The following JAK2 variants were observed in gnomAD, a reference collection of about 807,000 sequenced individuals.
JAK2 encodes tyrosine-protein kinase JAK2.
In JAK2, 86 loss-of-function variants were observed where a neutral mutation model predicts 139.3. That is an observed-to-expected ratio of 0.62 (90% CI 0.52 to 0.74). JAK2 has a LOEUF of 0.74. Among genes scored for constraint, JAK2 ranks in the 30% least tolerant of loss-of-function variants. JAK2 has a pLI of 0.00. For missense variants in JAK2, 1,421 were observed against 1,360.3 expected (o/e 1.04, Z -0.70); for synonymous variants, 490 against 437.7 (o/e 1.12, Z -1.49).
intron 8 of JAK2, among the ~76,000 whole-genome samples, chr9:5,064,621 T>C (rs1358363841): frequency 2.0e-5 from 3 of 152,166 alleles, no homozygotes; most frequent in Non-Finnish European, 4.4e-5. Flanking sequence ...AACTGGTATA[T>C]TAGTCTAAGA....
chr9:5,043,795 C>G (rs1404982714), intron 4 of JAK2, among the ~76,000 whole-genome samples: 4 of 152,172 alleles, frequency 2.6e-5, no homozygotes, highest in Non-Finnish European at 4.4e-5. Flanking sequence ...GATACATGCT[C>G]TAATGTGGAT....
chr9:5,009,541 G>A (rs10815143), intron 2 of JAK2, among the ~76,000 whole-genome samples: 58,428 of 151,544 alleles, frequency 0.39, 13,438 homozygotes, highest in African/African-American at 0.65. Flanking sequence ...TGAGAATACC[G>A]AGAAAGATTT....
chr9:5,061,401 C>T (rs1350145701), intron 8 of JAK2, among the ~76,000 whole-genome samples: 1 of 152,240 alleles, frequency 6.6e-6, no homozygotes, highest in Non-Finnish European at 1.5e-5. Flanking sequence ...CATCAATGGT[C>T]CTTACTAGAT....
intron 22 of JAK2, among the ~76,000 whole-genome samples, chr9:5,115,994 C>T (rs562136878): frequency 1.3e-5 from 2 of 151,958 alleles, no homozygotes; most frequent in African/African-American, 2.4e-5. Context: ...CACCATGACA[C>T]GTGTATACCT....
chr9:5,114,732 A>G (rs1424000977), intron 22 of JAK2: 2 of 372,408 alleles, frequency 5.4e-6, no homozygotes, highest in Admixed American at 3.3e-5. Context: ...AAACGAGTTC[A>G]TCTGCTCTGT....
intron 22 of JAK2, chr9:5,114,376 T>A (rs1010462732): frequency 9.5e-6 from 5 of 526,884 alleles, no homozygotes; most frequent in Admixed American, 6.7e-5. Context: ...ACGTTCACCA[T>A]CACGTCCACC....
intron 19 of JAK2, among the ~76,000 whole-genome samples, chr9:5,083,534 T>G (rs1186015844): frequency 6.6e-6 from 1 of 152,258 alleles, no homozygotes; most frequent in African/African-American, 2.4e-5. Context: ...TTTATACAAC[T>G]TAATCACAGT....
intron 4 of JAK2, among the ~76,000 whole-genome samples, chr9:5,040,563 A>G (rs913212858): frequency 2.6e-4 from 40 of 152,390 alleles, no homozygotes; most frequent in African/African-American, 9.1e-4. Context: ...TGGGAATCAT[A>G]TATCTGATAA....
chr9:5,076,606 A>T (rs1230096404), intron 14 of JAK2, among the ~76,000 whole-genome samples: 1 of 152,158 alleles, frequency 6.6e-6, no homozygotes, highest in Non-Finnish European at 1.5e-5. Flanking sequence ...ATGCATTGGG[A>T]TACCAAGAAA....
chr9:5,032,948 A>C (rs928916423), intron 4 of JAK2, among the ~76,000 whole-genome samples: 7 of 152,222 alleles, frequency 4.6e-5, no homozygotes, highest in African/African-American at 7.2e-5. Context: ...AAACTACTCC[A>C]AGCTAAAGGA....
In JAK2 at chr9:5,086,588, A is replaced by ATACT. The variant is rs545294818; in HGVS notation, c.2572-3083_2572-3080dup. On this transcript the variant is annotated intron_variant, in intron 19 of 24. Coordinates refer to ENST00000381652, the MANE Select transcript of JAK2 (RefSeq NM_004972.4). ...TGCCATTATTTTGGATGCCCTTCCA[A>ATACT]TACTTAAAAAAAAAATTCCTTGGCT... Among the ~76,000 whole-genome samples, 784 of 152,094 alleles carry ATACT rather than the reference A, an allele frequency of 5.2e-3. 4 individuals are homozygous for ATACT. Among genetic ancestry groups the ATACT allele is most frequent in the Non-Finnish European group, 7.9e-3 (535 of 68,004 alleles).
At chr9:5,051,362 G>C (rs533043531) in intron 6 of JAK2, among the ~76,000 whole-genome samples, 1 of 152,208 alleles carries the variant, frequency 6.6e-6, no homozygotes, top group East Asian at 1.9e-4. Context: ...CCTCCAGTTG[G>C]CTATATAAAT....
At position 4,989,487 on chromosome 9, in the gene JAK2, C is replaced by T. The variant is rs530908290; in HGVS notation, c.-26+3465C>T. 5.3e-5 allele frequency among the ~76,000 whole-genome samples: 8 copies of T among 152,022 alleles called. No homozygotes were observed. The East Asian group carries it at 1.3e-3, about 26-fold the overall frequency. ...CAACACACAGTGGAGAGCACATGGG[C>T]AGCATTCAAGAAATACATGTTGATT... On this transcript the variant is annotated intron_variant, in intron 2 of 24. Coordinates refer to ENST00000381652, the MANE Select transcript of JAK2 (RefSeq NM_004972.4).
intron 22 of JAK2, among the ~76,000 whole-genome samples, chr9:5,118,584 C>T (rs914553491): frequency 1.3e-5 from 2 of 152,076 alleles, no homozygotes; most frequent in African/African-American, 4.8e-5. Flanking sequence ...TGTATATCCT[C>T]GGATGAATAT....
intron 4 of JAK2, among the ~76,000 whole-genome samples, chr9:5,036,322 A>G (rs116866937): frequency 0.022 from 3,324 of 152,332 alleles, 116 homozygotes; most frequent in Non-Finnish European, 0.026. Flanking sequence ...TATGGATTCA[A>G]TGCCATCCCC....
At chr9:5,053,661 T>G (rs953437437) in intron 6 of JAK2, among the ~76,000 whole-genome samples, 4 of 152,066 alleles carry the variant, frequency 2.6e-5, no homozygotes, top group Admixed American at 6.6e-5. Flanking sequence ...GAAATGGCTA[T>G]GTACATGCTT....
Position 5,112,077 on chromosome 9 carries a change from AAGAT to A in JAK2, c.3060-10923_3060-10920del, listed in dbSNP as rs1385231814. 21 of 386,876 alleles carry A rather than the reference AAGAT, an allele frequency of 5.4e-5. 1 individual carries two copies. Among genetic ancestry groups the A allele is most frequent in the Non-Finnish European group, 1.1e-4 (21 of 194,278 alleles). The allele number at this position is 386,876 out of a possible 1,614,324, so 24.0% of individuals were successfully genotyped here. The stretch of plus-strand genomic sequence containing the variant: ...CGGGGGTCTCCACGGCCTGGAGAGT[AAGAT>A]AGAAGACCACCTACCTGAACGAGGG... On this transcript the variant is annotated intron_variant, in intron 22 of 24. Transcript: ENST00000381652.
intron 4 of JAK2, chr9:5,041,076 T>C (rs958924594): frequency 7.6e-5 from 53 of 694,962 alleles, no homozygotes; most frequent in Admixed American, 3.6e-4. Flanking sequence ...TCAGGTCTAC[T>C]ACCTACTACA....
intron 4 of JAK2, among the ~76,000 whole-genome samples, chr9:5,033,338 T>G (rs150054498): frequency 3.5e-4 from 53 of 152,328 alleles, no homozygotes; most frequent in African/African-American, 1.2e-3. Context: ...CCAGGAGAAC[T>G]TCCCTAATCT....
Sources: allele counts gnomAD v4.1 joint callset (sites outside exome capture counted in the v4.1 genomes callset), GRCh38; gene constraint gnomAD v4.1.1; transcripts MANE v1.5; gene names NCBI Gene and HGNC (gene_info 2026-07-23, HGNC 2026-07-21).